KSR1: variants seen among roughly 807,000 people sequenced by gnomAD.
KSR1 encodes the protein kinase suppressor of ras 1.
In KSR1, 35 loss-of-function variants were observed where a neutral mutation model predicts 92.9. That is an observed-to-expected ratio of 0.38 (90% CI 0.29 to 0.50). The LOEUF (loss-of-function observed/expected upper bound fraction) is 0.50. Ranked by LOEUF, KSR1 falls within the 20% of genes least tolerant of loss-of-function variation. KSR1 has a pLI of 0.94. For missense variants in KSR1, 972 were observed against 1,158.5 expected (o/e 0.84, Z 2.34); for synonymous variants, 467 against 472.6 (o/e 0.99, Z 0.15).
At chr17:27,560,987 A>T (rs2071804711) in intron 2 of KSR1, among the ~76,000 whole-genome samples, 1 of 152,112 alleles carries the variant, frequency 6.6e-6, no homozygotes, top group Non-Finnish European at 1.5e-5. Context: ...TAGGATGGGG[A>T]AATGGTGGCA....
At chr17:27,557,105 C>G (rs2071626901) in intron 2 of KSR1, among the ~76,000 whole-genome samples, 2 of 152,146 alleles carry the variant, frequency 1.3e-5, no homozygotes, top group African/African-American at 4.8e-5. Context: ...CCAACAAGAT[C>G]TCCAGAAACC....
At chr17:27,568,361 C>G (rs1364477431) in intron 2 of KSR1, among the ~76,000 whole-genome samples, 1 of 152,338 alleles carries the variant, frequency 6.6e-6, no homozygotes, top group South Asian at 2.1e-4. Flanking sequence ...CTCTGGTGGA[C>G]GGCATCTGTG....
intron 10 of KSR1, among the ~76,000 whole-genome samples, chr17:27,597,998 C>A (rs1377119113): frequency 1.3e-5 from 2 of 152,218 alleles, no homozygotes; most frequent in African/African-American, 4.8e-5. Flanking sequence ...GAGTTTAAAG[C>A]AGAGTAGACC....
chr17:27,577,787 CT>C lies in KSR1; in HGVS notation c.520+149del. The C allele has an allele frequency of 1.4e-6, 1 of 733,686 alleles. No individual in the cohort carries two copies. The highest frequency in any genetic ancestry group is 2.4e-6 in the Non-Finnish European group (1 of 414,166). The allele number at this position is 733,686 out of a possible 1,614,324, so 45.4% of individuals were successfully genotyped here. On this transcript the variant is annotated intron_variant, in intron 3 of 20. Coordinates refer to ENST00000644974, the MANE Select transcript of KSR1 (RefSeq NM_001394583.1). This position sits in a 1 kb window ranked among gnomAD's most constrained non-coding sequence, Gnocchi z 4.5. ...GCCAGGGTTGGATGTTCACAGCCTC[CT>C]GAGAAGCTCTCCCAGGGTCCTCAGG...
intron 1 of KSR1, among the ~76,000 whole-genome samples, chr17:27,532,200 A>G (rs2070566779): frequency 6.6e-6 from 1 of 152,216 alleles, no homozygotes; most frequent in South Asian, 2.1e-4. Context: ...CCTGCTAATA[A>G]TCCTCACTGG....
intron 1 of KSR1, among the ~76,000 whole-genome samples, chr17:27,482,620 G>A (rs1386519930): frequency 6.6e-6 from 1 of 152,196 alleles, no homozygotes; most frequent in Non-Finnish European, 1.5e-5. Flanking sequence ...GGGATAGTGT[G>A]TAAGTAAAAG....
Position 27,625,184 on chromosome 17 carries a change from G to A in KSR1, c.*1792G>A, listed in dbSNP as rs2074313854. On this transcript the variant is annotated 3_prime_UTR_variant, in exon 21 of 21. Coordinates refer to ENST00000644974, the MANE Select transcript of KSR1 (RefSeq NM_001394583.1). ...CTTTCACCTTTCTATTGCAATGGTG[G>A]CCTTTGTCCAGGCAAGAGCAGGCCT... The A allele has an allele frequency of 6.6e-6, 1 of 152,228 alleles. No homozygotes were observed. The highest frequency in any genetic ancestry group is 2.4e-5 in the African/African-American group (1 of 41,436). The allele number at this position is 152,228 out of a possible 1,614,324, so 9.4% of individuals were successfully genotyped here.
chr17:27,526,070 C>CTTTCTT (rs369132413), intron 1 of KSR1, among the ~76,000 whole-genome samples: 4 of 81,412 alleles, frequency 4.9e-5, no homozygotes, highest in Admixed American at 1.4e-4. Context: ...CTCTTTCTTT[C>CTTTCTT]TCTTTCTTTC....
chr17:27,605,555 T>A lies in KSR1; in HGVS notation c.1736T>A (p.Val579Glu). Reference sequence around the variant, plus strand: ...TCTCGCAAGGCCAGCCAGACCAGCGTGTACCTGCAGGAGTGGGACATCCCC... The same window carrying A: ...TCTCGCAAGGCCAGCCAGACCAGCGAGTACCTGCAGGAGTGGGACATCCCC... ...PISRKASQTS[V>E]YLQEWDIPFE... The change falls in exon 14 of 21, where the codon GTG (valine) becomes GAG (glutamate). Residue 579 changes from valine (V) to glutamate (E), a missense_variant. Val to Glu is a moderately radical substitution (Grantham distance 121). Transcript: ENST00000644974. 6.3e-7 allele frequency: 1 copy of A among 1,595,248 alleles called. No individual in the cohort carries two copies. Among genetic ancestry groups the A allele is most frequent in the Non-Finnish European group, 8.5e-7 (1 of 1,171,678 alleles).
intron 1 of KSR1, among the ~76,000 whole-genome samples, chr17:27,547,254 T>C (rs1034456284): frequency 1.3e-5 from 2 of 152,214 alleles, no homozygotes; most frequent in Non-Finnish European, 2.9e-5. Flanking sequence ...AGTGGTTTCA[T>C]TATTATGGGT....
intron 1 of KSR1, among the ~76,000 whole-genome samples, chr17:27,487,810 C>A (rs1316064863): frequency 2.0e-5 from 3 of 152,112 alleles, no homozygotes; most frequent in African/African-American, 7.2e-5. Flanking sequence ...TGTGTCTAGA[C>A]AGAGACCGAG....
chr17:27,620,798 G>T (rs2151273830), intron 19 of KSR1, among the ~76,000 whole-genome samples: 1 of 152,294 alleles, frequency 6.6e-6, no homozygotes, highest in South Asian at 2.1e-4. Context: ...GTGGACACTG[G>T]CATTCAGAAC....
chr17:27,526,160 G>C (rs1177101598), intron 1 of KSR1, among the ~76,000 whole-genome samples: 1 of 143,606 alleles, frequency 7.0e-6, no homozygotes, highest in Non-Finnish European at 1.5e-5. Flanking sequence ...ATTACATTCA[G>C]AATTATAGCA....
At chr17:27,583,409 T>C (rs935400330) in intron 4 of KSR1, among the ~76,000 whole-genome samples, 18 of 152,248 alleles carry the variant, frequency 1.2e-4, no homozygotes, top group African/African-American at 4.1e-4. Flanking sequence ...AACAAAGATT[T>C]GTTTCTTGCT....
At chr17:27,481,978 A>G (rs960965795) in intron 1 of KSR1, among the ~76,000 whole-genome samples, 4 of 152,112 alleles carry the variant, frequency 2.6e-5, no homozygotes, top group Admixed American at 2.0e-4. Context: ...TGTATGTTGA[A>G]CCTTAATTTC....
intron 1 of KSR1, among the ~76,000 whole-genome samples, chr17:27,524,833 G>T (rs760697086): frequency 2.0e-5 from 3 of 152,214 alleles, no homozygotes; most frequent in Non-Finnish European, 4.4e-5. Flanking sequence ...GAAAAGGCAG[G>T]GAGGGGGCTC....
At chr17:27,532,895 G>A (rs1347603855) in intron 1 of KSR1, among the ~76,000 whole-genome samples, 8 of 152,216 alleles carry the variant, frequency 5.3e-5, no homozygotes, top group South Asian at 4.1e-4. Flanking sequence ...CAGACCCAGC[G>A]CCTCAAGCCT....
Position 27,492,192 on chromosome 17 carries a change from TGAAG to T in KSR1, c.231+35320_231+35323del, listed in dbSNP as rs954552412. Among the ~76,000 whole-genome samples, 15 of 152,268 alleles carry T rather than the reference TGAAG, an allele frequency of 9.9e-5. No homozygotes were observed. The East Asian group carries it at 2.5e-3, about 25-fold the overall frequency. On this transcript the variant is annotated intron_variant, in intron 1 of 20. Transcript: ENST00000644974. Reference sequence around the variant, plus strand: ...TGGGTGGCTTCAAAATAGAAATTCATGAAGGCTCTAGGAAAGTAATTTTAAACAC... The same window carrying T: ...TGGGTGGCTTCAAAATAGAAATTCATGCTCTAGGAAAGTAATTTTAAACAC...
At chr17:27,530,999 G>T (rs147960072) in intron 1 of KSR1, among the ~76,000 whole-genome samples, 95 of 152,306 alleles carry the variant, frequency 6.2e-4, no homozygotes, top group African/African-American at 2.2e-3. Context: ...CCATTGTTGG[G>T]GCTTTGGGTT....
Sources: allele counts gnomAD v4.1 joint callset (sites outside exome capture counted in the v4.1 genomes callset), GRCh38; gene constraint gnomAD v4.1.1; non-coding constraint Gnocchi (gnomAD v3.1); transcripts MANE v1.5; gene names NCBI Gene and HGNC (gene_info 2026-07-23, HGNC 2026-07-21).